The following BBOF1 variants were observed in gnomAD, a reference collection of about 807,000 sequenced individuals.
The protein encoded by BBOF1 is basal body-orientation factor 1.
BBOF1 carries 62 observed loss-of-function variants against 68.0 expected under a neutral mutation model. That is an observed-to-expected ratio of 0.91 (90% CI 0.74 to 1.13). The LOEUF (loss-of-function observed/expected upper bound fraction) is 1.13. BBOF1 is among the 50% of genes most tolerant of loss of function. The pLI is 0.00. For missense variants in BBOF1, 534 were observed against 600.1 expected, an observed-to-expected ratio of 0.89 and a Z score of 1.15; for synonymous variants, 208 against 198.8, an observed-to-expected ratio of 1.05 and a Z score of -0.39.
intron 7 of BBOF1, among the ~76,000 whole-genome samples, chr14:74,048,834 T>A (rs1161635978): frequency 6.6e-6 from 1 of 152,114 alleles, no homozygotes; most frequent in Non-Finnish European, 1.5e-5. Context: ...AACAAGGAGA[T>A]GCCATAGTTT....
intron 12 of BBOF1, among the ~76,000 whole-genome samples, chr14:74,082,510 C>T (rs373650859): frequency 6.7e-6 from 1 of 149,748 alleles, no homozygotes; most frequent in African/African-American, 2.5e-5. Flanking sequence ...AGCGATTCTC[C>T]TGCCTCAACT....
At chr14:74,075,103 T>C in intron 9 of BBOF1, 2 of 1,189,586 alleles carry the variant, frequency 1.7e-6, no homozygotes, top group East Asian at 2.5e-5. Flanking sequence ...TGCTATTTGC[T>C]ATAGTATATA....
At chr14:74,021,182 G>T (rs972666742) in intron 1 of BBOF1, among the ~76,000 whole-genome samples, 1 of 152,104 alleles carries the variant, frequency 6.6e-6, no homozygotes, top group Admixed American at 6.6e-5. Context: ...GGAGTGTTTT[G>T]TTAATGCTTA....
intron 1 of BBOF1, among the ~76,000 whole-genome samples, chr14:74,022,002 G>C (rs1312081872): frequency 6.6e-6 from 1 of 152,044 alleles, no homozygotes; most frequent in African/African-American, 2.4e-5. Flanking sequence ...TGCAGAAACT[G>C]AACAGAGATA....
Position 74,049,685 on chromosome 14 carries a change from C to A in BBOF1, c.793-17C>A. The A allele has an allele frequency of 1.3e-6, 2 of 1,555,588 alleles. No individual in the cohort carries two copies. Among genetic ancestry groups the A allele is most frequent in the South Asian group, 2.4e-5 (2 of 82,120 alleles). Reference sequence around the variant, plus strand: ...TCAAAAGAAAAAAAAAATCACCTCTCATCTTTCTGTTTTTAGGAGATCAAT... The same window carrying A: ...TCAAAAGAAAAAAAAAATCACCTCTAATCTTTCTGTTTTTAGGAGATCAAT... On this transcript the variant is annotated splice_polypyrimidine_tract_variant and intron_variant, in intron 7 of 11. Coordinates refer to ENST00000394009, the MANE Select transcript of BBOF1 (RefSeq NM_025057.3).
chr14:74,044,596 G>T (rs986452710), intron 5 of BBOF1, among the ~76,000 whole-genome samples: 2 of 151,382 alleles, frequency 1.3e-5, no homozygotes, highest in African/African-American at 4.9e-5. Context: ...CTGAGTAGCT[G>T]GGACCACAGG....
At chr14:74,052,638 C>G (rs1182778479) in intron 8 of BBOF1, among the ~76,000 whole-genome samples, 2 of 146,774 alleles carry the variant, frequency 1.4e-5, no homozygotes, top group Admixed American at 1.3e-4. Context: ...GAGCAAGACT[C>G]CATCTCAAAA....
chr14:74,071,719 A>G (rs1019656598), intron 9 of BBOF1: 3 of 1,468,788 alleles, frequency 2.0e-6, no homozygotes, highest in Non-Finnish European at 2.8e-6. Flanking sequence ...TTGAGTAAAG[A>G]GTAAAGTAAA....
chr14:74,043,128 C>T (rs1428284689), intron 5 of BBOF1, among the ~76,000 whole-genome samples: 1 of 152,130 alleles, frequency 6.6e-6, no homozygotes, highest in Non-Finnish European at 1.5e-5. Context: ...TACTTTATAC[C>T]TCAGCATGCC....
At chr14:74,069,097 TTTTC>T (rs1667236515), downstream of BBOF1, 1 of 1,034,434 alleles carries the variant, frequency 9.7e-7, no homozygotes, top group Non-Finnish European at 1.3e-6. Flanking sequence ...TTCTTTTACT[TTTTC>T]TTTTTTTTTT....
At chr14:74,022,333 AG>A (rs1194593008) in intron 1 of BBOF1, among the ~76,000 whole-genome samples, 1 of 152,220 alleles carries the variant, frequency 6.6e-6, no homozygotes, top group Non-Finnish European at 1.5e-5. Context: ...GGATCACTTG[AG>A]CCCAGGAGTT....
intron 11 of BBOF1, 112 bp downstream of exon 11, chr14:74,057,370 G>A (rs754658743): frequency 1.1e-5 from 17 of 1,564,202 alleles, no homozygotes; most frequent in Non-Finnish European, 1.1e-5. Flanking sequence ...TCAGGGATCA[G>A]TGGAATGAGT....
At chr14:74,061,056 C>A (rs2060328749) in intron 11 of BBOF1, among the ~76,000 whole-genome samples, 1 of 152,088 alleles carries the variant, frequency 6.6e-6, no homozygotes, top group Admixed American at 6.6e-5. Flanking sequence ...CAGCTCACTG[C>A]AACCTCTGCC....
chr14:74,024,332 T>C (rs2059376687), intron 2 of BBOF1, among the ~76,000 whole-genome samples: 1 of 152,094 alleles, frequency 6.6e-6, no homozygotes, highest in South Asian at 2.1e-4. Context: ...AGTGTGCACC[T>C]GTAGTCCCAG....
chr14:74,043,878 TG>T (rs879613550), intron 5 of BBOF1, among the ~76,000 whole-genome samples: 12 of 152,074 alleles, frequency 7.9e-5, no homozygotes, highest in African/African-American at 2.9e-4. Context: ...TCTGGAATGC[TG>T]TTCCTCCAGC....
Position 74,049,722 on chromosome 14 carries a change from T to A in BBOF1, c.813T>A (p.Val271=). 1 of 1,605,480 alleles carries A rather than the reference T, an allele frequency of 6.2e-7. No homozygotes were observed. The highest frequency in any genetic ancestry group is 8.5e-7 in the Non-Finnish European group (1 of 1,176,726). ...LHQKEINDLL[V]KEKIMQLVQQ... is the part of the protein sequence containing the mutation. ...TTTAGGAGATCAATGATCTGTTGGT[T>A]AAGGAAAAGATTATGCAACTTGTCC... Residue 271 remains valine (V), a synonymous_variant, in exon 8 of 12, where the codon GTT becomes GTA. Coordinates refer to ENST00000394009, the MANE Select transcript of BBOF1 (RefSeq NM_025057.3).
In BBOF1 at chr14:74,019,445, C is replaced by T. The variant is rs1036545466; in HGVS notation, c.-34C>T. ...GCTGGCCAGGGCGGCCGCGGCTGGG[C>T]AACTACGACAGCGGAGCCCCTGGGG... is the stretch of plus-strand genomic sequence containing the variant. On this transcript the variant is annotated 5_prime_UTR_variant, in exon 1 of 12. Coordinates refer to ENST00000394009, the MANE Select transcript of BBOF1 (RefSeq NM_025057.3). The T allele has an allele frequency of 2.2e-5, 35 of 1,589,968 alleles. No homozygotes were observed. Among genetic ancestry groups the T allele is most frequent in the Non-Finnish European group, 2.8e-5 (33 of 1,168,870 alleles).
At chr14:74,022,206 C>G (rs1361575075) in intron 1 of BBOF1, among the ~76,000 whole-genome samples, 1 of 151,282 alleles carries the variant, frequency 6.6e-6, no homozygotes. Context: ...GACCCCATCT[C>G]TATTAAAAAA....
chr14:74,071,197 T>A (rs1219984516), intron 9 of BBOF1: 1 of 1,614,078 alleles, frequency 6.2e-7, no homozygotes, highest in Non-Finnish European at 8.5e-7. Flanking sequence ...GCAGTTACCT[T>A]CATGCTGTCC....
Sources: gnomAD v4.1 joint callset for allele counts (sites outside exome capture counted in the v4.1 genomes callset) on GRCh38, gnomAD v4.1.1 for gene constraint, MANE v1.5 for transcripts, NCBI Gene and HGNC (gene_info 2026-07-23, HGNC 2026-07-21) for gene names.